The following DGLUCY variants were observed in gnomAD, a reference collection of about 807,000 sequenced individuals.
The protein encoded by DGLUCY is D-glutamate cyclase, mitochondrial.
A neutral mutation model predicts 58.5 loss-of-function variants in DGLUCY; 58 were observed. The observed-to-expected ratio is 0.99, with a 90% CI of 0.80 to 1.23. The LOEUF is 1.23. Ranked by LOEUF, DGLUCY falls within the 50% of genes most tolerant of loss-of-function variation. The pLI is 0.00. For missense variants in DGLUCY, 779 were observed against 784.7 expected, an observed-to-expected ratio of 0.99 and a Z score of 0.09; for synonymous variants, 325 against 314.1, an observed-to-expected ratio of 1.03 and a Z score of -0.37.
intron 5 of DGLUCY, among the ~76,000 whole-genome samples, chr14:91,171,796 C>T (rs981182188): frequency 6.6e-6 from 1 of 152,186 alleles, no homozygotes; most frequent in African/African-American, 2.4e-5. Context: ...TCAAACCGGG[C>T]AACATCTGTT....
chr14:91,086,456 A>G (rs2140057049), intron 1 of DGLUCY, among the ~76,000 whole-genome samples: 1 of 152,312 alleles, frequency 6.6e-6, no homozygotes, highest in South Asian at 2.1e-4. Flanking sequence ...TGTATACTTT[A>G]AGTCATTTCT....
At chr14:91,103,258 C>G (rs1201814085), upstream of DGLUCY, among the ~76,000 whole-genome samples, 4 of 152,148 alleles carry the variant, frequency 2.6e-5, no homozygotes, top group Non-Finnish European at 5.9e-5. Context: ...AGAGAAAATT[C>G]TCACACCACA....
intron 1 of DGLUCY, among the ~76,000 whole-genome samples, chr14:91,066,185 C>T (rs1211921921): frequency 2.6e-5 from 4 of 151,988 alleles, no homozygotes; most frequent in Non-Finnish European, 4.4e-5. Context: ...TGAGACCAGC[C>T]TGGCCAACAT....
At chr14:91,157,107 A>ATGGATGGG (rs1231510725) in intron 1 of DGLUCY, among the ~76,000 whole-genome samples, 36 of 142,502 alleles carry the variant, frequency 2.5e-4, no homozygotes, top group African/African-American at 9.5e-4. Flanking sequence ...GGGTGGATGG[A>ATGGATGGG]TGGATGGATG....
At chr14:91,141,122 A>G (rs1374703616) in intron 1 of DGLUCY, among the ~76,000 whole-genome samples, 1 of 152,108 alleles carries the variant, frequency 6.6e-6, no homozygotes, top group Non-Finnish European at 1.5e-5. Flanking sequence ...ACAGTGGCTC[A>G]CACCTATAAT....
chr14:91,204,176 C>T (rs1316152829), intron 11 of DGLUCY, among the ~76,000 whole-genome samples: 2 of 152,352 alleles, frequency 1.3e-5, no homozygotes, highest in East Asian at 3.9e-4. Flanking sequence ...TATGTAGCCT[C>T]TTTCAAATGC....
intron 13 of DGLUCY, among the ~76,000 whole-genome samples, chr14:91,216,645 C>CA (rs71120125): frequency 0.81 from 111,530 of 137,560 alleles, 45,990 homozygotes; most frequent in Non-Finnish European, 0.9. Flanking sequence ...GACCCTGTCT[C>CA]AAAAAAAAAA....
intron 1 of DGLUCY, among the ~76,000 whole-genome samples, chr14:91,068,115 A>ACACACACACACACACC (rs1236523220): frequency 7.1e-6 from 1 of 140,154 alleles, no homozygotes. Flanking sequence ...ACACACACAC[A>ACACACACACACACACC]CCCCTTGCAT....
intron 12 of DGLUCY, among the ~76,000 whole-genome samples, chr14:91,205,807 C>CTTCTTCTTCT (rs1567007814): frequency 1.4e-5 from 1 of 72,236 alleles, no homozygotes. Context: ...CCGTCTCCTT[C>CTTCTTCTTCT]TCCTCCTCCT....
Position 91,215,474 on chromosome 14 carries a change from G to A in DGLUCY, c.1634G>A (p.Ser545Asn), listed in dbSNP as rs140494499. ...LYILYSCAVH[S>N]QYLRKAVGPS... is the part of the protein sequence containing the mutation. ...ATCCTGTACTCATGTGCTGTCCACA[G>A]TCAGTACCTGAGGAAAGCAGTCGGA... The change falls in exon 13 of 14, where the codon AGT becomes AAT. Residue 545 changes from serine to asparagine, a missense_variant. By Grantham distance (46) the Ser-to-Asn change is conservative. Transcript: ENST00000256324. 2.5e-6 allele frequency: 4 copies of A among 1,614,246 alleles called. No homozygotes were observed. The highest frequency in any genetic ancestry group is 3.4e-6 in the Non-Finnish European group (4 of 1,180,046).
At chr14:91,106,976 G>C (rs147693878), upstream of DGLUCY, among the ~76,000 whole-genome samples, 14 of 152,238 alleles carry the variant, frequency 9.2e-5, no homozygotes, top group Middle Eastern at 3.4e-3. Flanking sequence ...AACAGTTACA[G>C]TTTGCAATTG....
intron 8 of DGLUCY, among the ~76,000 whole-genome samples, chr14:91,188,421 G>T (rs957801976): frequency 6.6e-6 from 1 of 152,160 alleles, no homozygotes; most frequent in African/African-American, 2.4e-5. Context: ...GGGGGCGGGG[G>T]TAGAATACAC....
intron 3 of DGLUCY, chr14:91,165,186 C>A: frequency 2.2e-6 from 1 of 454,990 alleles, no homozygotes; most frequent in East Asian, 7.0e-5. Flanking sequence ...ACATAACAAA[C>A]ATCTTTTAAC....
At chr14:91,184,633 A>AAGGGAGGG (rs1227145070) in intron 8 of DGLUCY, among the ~76,000 whole-genome samples, 3 of 46,618 alleles carry the variant, frequency 6.4e-5, no homozygotes, top group African/African-American at 9.9e-5. Context: ...GGAAGGAAGG[A>AAGGGAGGG]AGGGAGGGAG....
rs888209848 is a variant in DGLUCY, at chr14:91,224,909, C to A, written c.*76C>A. 2 of 1,432,782 alleles carry A rather than the reference C, an allele frequency of 1.4e-6. No individual in the cohort carries two copies. The highest frequency in any genetic ancestry group is 1.9e-6 in the Non-Finnish European group (2 of 1,072,676). The allele number at this position is 1,432,782 out of a possible 1,614,324, so 88.8% of individuals were successfully genotyped here. On this transcript the variant is annotated 3_prime_UTR_variant, in exon 14 of 14. Coordinates refer to ENST00000256324, the MANE Select transcript of DGLUCY (RefSeq NM_001102368.3). ...CCGGGGAGAATGCAGCTGCTTCTGGCGACAATCCTGCTAGTAAACACTGGT... is the reference window on the plus strand; with the variant it reads ...CCGGGGAGAATGCAGCTGCTTCTGGAGACAATCCTGCTAGTAAACACTGGT...
intron 12 of DGLUCY, among the ~76,000 whole-genome samples, chr14:91,206,142 G>A (rs537559138): frequency 4.6e-5 from 7 of 151,910 alleles, no homozygotes; most frequent in Non-Finnish European, 7.4e-5. Flanking sequence ...TGGGGAAAGC[G>A]AAATACCCAA....
Position 91,167,379 on chromosome 14 carries a change from G to A in DGLUCY, c.257+1G>A. Reference sequence around the variant, plus strand: ...CTCAAGGTGCTATCTCAGAGACCAGGTAAAAAGCTTGGGTTACTGTGGGTT... The same window carrying A: ...CTCAAGGTGCTATCTCAGAGACCAGATAAAAAGCTTGGGTTACTGTGGGTT... On this transcript the variant is annotated splice_donor_variant, in intron 4 of 13. Coordinates refer to ENST00000256324, the MANE Select transcript of DGLUCY (RefSeq NM_001102368.3). LOFTEE classifies it high-confidence loss of function. The A allele has an allele frequency of 1.2e-6, 2 of 1,614,150 alleles. No individual in the cohort carries two copies. Among genetic ancestry groups the A allele is most frequent in the Non-Finnish European group, 1.7e-6 (2 of 1,180,034 alleles).
intron 1 of DGLUCY, among the ~76,000 whole-genome samples, chr14:91,108,520 TGTGTGTGAGAGAGA>T (rs1279524255): frequency 8.4e-5 from 7 of 83,608 alleles, no homozygotes; most frequent in African/African-American, 2.1e-4. Flanking sequence ...TGTGTGTGTG[TGTGTGTGAGAGAGA>T]GAGAGAGAGA....
At chr14:91,142,527 C>G (rs2046758804) in intron 1 of DGLUCY, among the ~76,000 whole-genome samples, 1 of 152,084 alleles carries the variant, frequency 6.6e-6, no homozygotes, top group African/African-American at 2.4e-5. Context: ...CTTATCTCTT[C>G]CTGTCCCTCA....
Sources: gnomAD v4.1 joint callset for allele counts (sites outside exome capture counted in the v4.1 genomes callset) on GRCh38, gnomAD v4.1.1 for gene constraint, MANE v1.5 for transcripts, NCBI Gene and HGNC (gene_info 2026-07-23, HGNC 2026-07-21) for gene names.